EML2: variants seen among roughly 807,000 people sequenced by gnomAD.
The protein encoded by EML2 is echinoderm microtubule-associated protein-like 2.
Under a neutral mutation model 84.7 loss-of-function variants are expected in EML2, and 59 were observed. The observed-to-expected ratio is 0.70, with a 90% CI of 0.56 to 0.86. The LOEUF (loss-of-function observed/expected upper bound fraction) is 0.86. EML2 is among the 40% of genes least tolerant of loss of function. The pLI is 0.00. For missense variants in EML2, 818 were observed against 855.6 expected (o/e 0.96, Z 0.55); for synonymous variants, 352 against 348.9 (o/e 1.01, Z -0.10).
chr19:45,613,444 G>T (rs1033673518), intron 18 of EML2, 97 bp downstream of exon 18: 4 of 1,446,064 alleles, frequency 2.8e-6, no homozygotes, highest in East Asian at 2.3e-5. Context: ...GGAAACCGAG[G>T]CTCAGAGAAG....
In EML2 at chr19:45,615,783, T is replaced by A. The variant is rs779248562; in HGVS notation, c.1597+19A>T. 1 of 1,605,392 alleles carries A rather than the reference T, an allele frequency of 6.2e-7. No individual in the cohort carries two copies. Among genetic ancestry groups the A allele is most frequent in the Non-Finnish European group, 8.5e-7 (1 of 1,172,520 alleles). ...AATGAGACGGAGGAAGTAATGTCTCTGGGTCCCGGAGAACTCACAGTACAG... is the reference window on the plus strand; with the variant it reads ...AATGAGACGGAGGAAGTAATGTCTCAGGGTCCCGGAGAACTCACAGTACAG... On this transcript the variant is annotated intron_variant, in intron 16 of 18. Transcript: ENST00000245925.
intron 18 of EML2, among the ~76,000 whole-genome samples, chr19:45,612,888 C>CAT (rs1555742716): frequency 6.7e-6 from 1 of 149,192 alleles, no homozygotes; most frequent in African/African-American, 2.5e-5. Flanking sequence ...TAACGTCCAG[C>CAT]TTTTTTTTTT....
chr19:45,638,465 G>C, intron 3 of EML2, 40 bp downstream of exon 3: 2 of 1,613,028 alleles, frequency 1.2e-6, no homozygotes, highest in Non-Finnish European at 1.7e-6. Flanking sequence ...TTTCCTCCTG[G>C]GGGGATGGGA....
chr19:45,613,758 A>T, intron 17 of EML2, 87 bp from the exon 18 acceptor site: 1 of 1,526,504 alleles, frequency 6.6e-7, no homozygotes, highest in South Asian at 1.2e-5. Context: ...AGCCACCTTA[A>T]TTTGTTCCGA....
chr19:45,638,954 C>A, intron 1 of EML2, 81 bp from the exon 2 acceptor site: 1 of 1,543,458 alleles, frequency 6.5e-7, no homozygotes, highest in Admixed American at 1.7e-5. Flanking sequence ...CCACCCCCAC[C>A]GCTCCCCGGA....
chr19:45,642,170 C>T, upstream of EML2: 1 of 1,528,236 alleles, frequency 6.5e-7, no homozygotes, highest in Non-Finnish European at 8.8e-7. Flanking sequence ...GGCGCCCGGC[C>T]CTTGGGGGTG....
chr19:45,645,404 C>CCGG (rs1486262313), upstream of EML2: 24 of 1,487,406 alleles, frequency 1.6e-5, no homozygotes, highest in Non-Finnish European at 2.0e-5. Context: ...CCAACCAGGC[C>CCGG]CTGCCTCCCG....
In EML2 at chr19:45,613,620, G is replaced by A. The variant is rs757209617; in HGVS notation, c.1745C>T (p.Ser582Phe). ...TGAAGCCAGCAACTTCCCATCATGA[G>A]AGCGGGCCACAGCGTTGATATCAGT... ...DGTDINAVARSHDGKLLASAD... is the reference protein window; with the variant it reads ...DGTDINAVARFHDGKLLASAD... Residue 582 changes from serine (S) to phenylalanine (F), a missense_variant, in exon 18 of 19, where the codon TCT becomes TTT. Ser to Phe is a radical substitution (Grantham distance 155). Transcript: ENST00000245925. The A allele has an allele frequency of 1.9e-6, 3 of 1,614,106 alleles. No homozygotes were observed. Among genetic ancestry groups the A allele is most frequent in the South Asian group, 2.2e-5 (2 of 91,084 alleles).
At chr19:45,636,041 A>G (rs1028543318) in intron 3 of EML2, among the ~76,000 whole-genome samples, 1 of 152,154 alleles carries the variant, frequency 6.6e-6, no homozygotes, top group Non-Finnish European at 1.5e-5. Flanking sequence ...TATAAATGAC[A>G]GAAGAGGCAG....
At chr19:45,616,349 A>T in intron 15 of EML2, 112 bp downstream of exon 15, 1 of 774,228 alleles carries the variant, frequency 1.3e-6, no homozygotes, top group East Asian at 2.6e-5. Flanking sequence ...TGCTCTGATC[A>T]GGGCAGAATC....
At chr19:45,639,051 C>G (rs760888385) in intron 1 of EML2, 178 bp from the exon 2 acceptor site, 12 of 836,590 alleles carry the variant, frequency 1.4e-5, no homozygotes, top group Non-Finnish European at 2.1e-5. Context: ...CTTGCAGAGC[C>G]TAAGACACAG....
At chr19:45,638,999 G>T (rs1391161879) in intron 1 of EML2, 126 bp from the exon 2 acceptor site, 1 of 1,114,202 alleles carries the variant, frequency 9.0e-7, no homozygotes, top group South Asian at 1.2e-5. Flanking sequence ...GTAAGGGGCA[G>T]AGCGCTGCCT....
upstream of EML2, chr19:45,642,615 A>T: frequency 9.4e-7 from 1 of 1,059,234 alleles, no homozygotes; most frequent in Non-Finnish European, 1.2e-6. Context: ...CTTCCCTCTT[A>T]TTTTCTAAGA....
intron 12 of EML2, 111 bp from the exon 13 acceptor site, chr19:45,617,808 C>A: frequency 1.2e-6 from 1 of 868,060 alleles, no homozygotes; most frequent in South Asian, 1.8e-5. Context: ...TCTCCCCTCC[C>A]TCTGCTGCCC....
At chr19:45,617,580 G>T (rs200570146) in intron 13 of EML2, 50 bp downstream of exon 13, 2 of 1,534,198 alleles carry the variant, frequency 1.3e-6, no homozygotes, top group Admixed American at 3.5e-5. Flanking sequence ...AGAAGGGCCA[G>T]TTCCCCAGGG....
chr19:45,617,544 G>A (rs1406725880), intron 13 of EML2, 86 bp downstream of exon 13: 1 of 1,244,434 alleles, frequency 8.0e-7, no homozygotes, highest in African/African-American at 1.5e-5. Flanking sequence ...GTAAATAGTG[G>A]GATTTGGGAA....
At chr19:45,616,667 T>G (rs1971115011) in intron 14 of EML2, 98 bp downstream of exon 14, 1 of 1,394,110 alleles carries the variant, frequency 7.2e-7, no homozygotes, top group Admixed American at 1.8e-5. Context: ...GCATCCCTCC[T>G]AGGCCTCGCT....
At chr19:45,643,814 G>C (rs1391905736), upstream of EML2, 130 of 1,433,948 alleles carry the variant, frequency 9.1e-5, no homozygotes, top group Non-Finnish European at 1.1e-4. Context: ...CGCCTCCCAG[G>C]TCCGGTGCCT....
At chr19:45,645,521 G>A, upstream of EML2, 1 of 1,301,040 alleles carries the variant, frequency 7.7e-7, no homozygotes, top group South Asian at 1.6e-5. Flanking sequence ...TGCCCAGAAA[G>A]GGGGGTCGGG....
Sources: allele counts gnomAD v4.1 joint callset (sites outside exome capture counted in the v4.1 genomes callset), GRCh38; gene constraint gnomAD v4.1.1; transcripts MANE v1.5; gene names NCBI Gene and HGNC (gene_info 2026-07-23, HGNC 2026-07-21).